TLR6: variants seen among roughly 807,000 people sequenced by gnomAD.
TLR6 encodes the protein toll-like receptor 6.
In TLR6, 9 loss-of-function variants were observed where a neutral mutation model predicts 16.1. The observed-to-expected ratio is 0.56, with a 90% CI of 0.34 to 0.98. TLR6 has a LOEUF of 0.98. Among genes scored for constraint, TLR6 ranks in the 50% least tolerant of loss-of-function variants. The pLI is 0.02. For synonymous variants in TLR6, 340 were observed against 338.6 expected, an observed-to-expected ratio of 1.00 and a Z score of -0.04; for missense variants, 786 against 921.0, an observed-to-expected ratio of 0.85 and a Z score of 1.90.
At chr4:38,823,532 T>C (rs1727405231), downstream of TLR6, among the ~76,000 whole-genome samples, 1 of 152,224 alleles carries the variant, frequency 6.6e-6, no homozygotes, top group Non-Finnish European at 1.5e-5. Flanking sequence ...GGATCTATTG[T>C]TTATTCTTAT....
intron 1 of TLR6, among the ~76,000 whole-genome samples, chr4:38,832,710 A>G (rs1445158108): frequency 6.6e-6 from 1 of 152,098 alleles, no homozygotes; most frequent in Non-Finnish European, 1.5e-5. Context: ...GTCCACCTAG[A>G]GGGCTACAGC....
intron 1 of TLR6, among the ~76,000 whole-genome samples, chr4:38,856,079 T>C (rs1383890551): frequency 6.6e-6 from 1 of 152,184 alleles, no homozygotes; most frequent in Non-Finnish European, 1.5e-5. Context: ...AAAACATTGT[T>C]TCATTTGTCA....
the TLR6 span, among the ~76,000 whole-genome samples, chr4:38,862,266 T>G: frequency 4.6e-5 from 7 of 150,764 alleles, no homozygotes; most frequent in Non-Finnish European, 1.0e-4. Context: ...TCTGCTCTGA[T>G]GTATTATTCC....
At chr4:38,827,202 G>T (rs199991862) in exon 2 of TLR6, 8 of 1,614,130 alleles carry the variant, frequency 5.0e-6, no homozygotes, top group South Asian at 3.3e-5. Flanking sequence ...AAATAAGTCC[G>T]CTGCGTCATG....
intron 1 of TLR6, among the ~76,000 whole-genome samples, chr4:38,853,292 A>G (rs149640501): frequency 0.028 from 4,254 of 151,092 alleles, 206 homozygotes; most frequent in African/African-American, 0.099. Context: ...TGACGAGTTA[A>G]TGGGTGCAGC....
At chr4:38,867,703 G>C in the TLR6 span, 1 of 151,168 alleles carries the variant, frequency 6.6e-6, no homozygotes, top group Non-Finnish European at 1.5e-5. Context: ...GGCGCTCCTC[G>C]TGGGGCGGGG....
chr4:38,833,011 TG>T (rs2109423530), intron 1 of TLR6, among the ~76,000 whole-genome samples: 1 of 152,134 alleles, frequency 6.6e-6, no homozygotes, highest in African/African-American at 2.4e-5. Flanking sequence ...TGCCTGCCAC[TG>T]CCATGGCAGG....
intron 1 of TLR6, among the ~76,000 whole-genome samples, chr4:38,833,146 T>C (rs1711709181): frequency 6.6e-6 from 1 of 152,178 alleles, no homozygotes; most frequent in Non-Finnish European, 1.5e-5. Flanking sequence ...TTCCTACTGC[T>C]ACAGTTAATG....
At chr4:38,828,228 C>G in exon 2 of TLR6, 1 of 1,613,254 alleles carries the variant, frequency 6.2e-7, no homozygotes, top group Non-Finnish European at 8.5e-7. Context: ...CTACCAGATT[C>G]CAAAGAATTC....
intron 1 of TLR6, among the ~76,000 whole-genome samples, chr4:38,848,426 G>A (rs1343344387): frequency 6.6e-6 from 1 of 152,230 alleles, no homozygotes; most frequent in African/African-American, 2.4e-5. Flanking sequence ...GAACAAAGCT[G>A]GAGAGAGAAT....
intron 1 of TLR6, among the ~76,000 whole-genome samples, chr4:38,833,840 A>T (rs1358429283): frequency 6.6e-6 from 1 of 152,156 alleles, no homozygotes; most frequent in Non-Finnish European, 1.5e-5. Flanking sequence ...AAATTCAACA[A>T]AGAAATAGAT....
At chr4:38,852,930 A>G (rs1453932962) in intron 1 of TLR6, among the ~76,000 whole-genome samples, 2 of 152,168 alleles carry the variant, frequency 1.3e-5, no homozygotes, top group Non-Finnish European at 2.9e-5. Flanking sequence ...ATACATGCAC[A>G]CACATGTTTA....
chr4:38,867,725 CGG>C, the TLR6 span: 1 of 150,962 alleles, frequency 6.6e-6, no homozygotes. Context: ...GCAGGCGGGG[CGG>C]GGCCCCCTCT....
chr4:38,864,702 G>A, the TLR6 span, among the ~76,000 whole-genome samples: 8 of 152,180 alleles, frequency 5.3e-5, no homozygotes, highest in African/African-American at 1.7e-4. Flanking sequence ...GACATATGCA[G>A]CAAACATTTA....
At chr4:38,831,588 G>A (rs1358661262) in intron 1 of TLR6, among the ~76,000 whole-genome samples, 1 of 152,144 alleles carries the variant, frequency 6.6e-6, no homozygotes, top group Non-Finnish European at 1.5e-5. Context: ...CACAGACTCA[G>A]AGAAGATATT....
exon 2 of TLR6, chr4:38,827,598 G>T (rs778712154): frequency 6.2e-7 from 1 of 1,614,186 alleles, no homozygotes. Flanking sequence ...CTGGCCCTGC[G>T]CCGAGTCTGG....
At chr4:38,852,260 T>C (rs1273941407) in intron 1 of TLR6, among the ~76,000 whole-genome samples, 2 of 152,122 alleles carry the variant, frequency 1.3e-5, no homozygotes, top group Non-Finnish European at 1.5e-5. Flanking sequence ...AATGTTAGAC[T>C]TAAAACCATA....
At chr4:38,827,460 A>G (rs201254682) in exon 2 of TLR6, 2 of 1,614,236 alleles carry the variant, frequency 1.2e-6, no homozygotes, top group East Asian at 2.2e-5. Context: ...TCATGAAGAC[A>G]AATCTGTATA....
the TLR6 span, among the ~76,000 whole-genome samples, chr4:38,862,788 G>A: frequency 6.7e-6 from 1 of 150,044 alleles, no homozygotes; most frequent in Non-Finnish European, 1.5e-5. Context: ...GTAGAGACAG[G>A]GTTTCACCCT....
Sources: allele counts gnomAD v4.1 joint callset (sites outside exome capture counted in the v4.1 genomes callset), GRCh38; gene constraint gnomAD v4.1.1; transcripts MANE v1.5; gene names NCBI Gene and HGNC (gene_info 2026-07-23, HGNC 2026-07-21).